Variants in SMPD3 observed in about 807,000 individuals in gnomAD.
The protein encoded by SMPD3 is nSMase-2.
In SMPD3, 21 loss-of-function variants were observed where a neutral mutation model predicts 55.7. The ratio of observed to expected loss-of-function variants is 0.38; its 90% CI spans 0.27 to 0.54. SMPD3 has a LOEUF of 0.54. Ranked by LOEUF, SMPD3 falls within the 20% of genes least tolerant of loss-of-function variation. SMPD3 has a pLI of 0.80. For synonymous variants in SMPD3, 457 were observed against 404.3 expected (o/e 1.13, Z -1.56); for missense variants, 842 against 899.6 (o/e 0.94, Z 0.82).
chr16:68,361,227 A>G lies in SMPD3; in HGVS notation c.1947T>C (p.Ser649=). The stretch of plus-strand genomic sequence containing the variant: ...CGGTCTATGCCTCCTCCTCCCCCGA[A>G]GACACCATCAGTCGCATGGCTACTG... ...HLPVAMRLMV[S]SGEEEA Residue 649 remains serine, a synonymous_variant, in exon 9 of 9, where the codon TCT becomes TCC. Transcript: ENST00000219334. 1 of 1,613,904 alleles carries G rather than the reference A, an allele frequency of 6.2e-7. No individual in the cohort carries two copies. The highest frequency in any genetic ancestry group is 1.7e-5 in the Admixed American group (1 of 59,998).
chr16:68,424,228 A>T (rs1407648030), intron 1 of SMPD3, among the ~76,000 whole-genome samples: 3 of 151,676 alleles, frequency 2.0e-5, no homozygotes, highest in African/African-American at 7.3e-5. Context: ...ACTCCTGTGT[A>T]TACATGGCAG....
intron 1 of SMPD3, among the ~76,000 whole-genome samples, chr16:68,398,422 T>A (rs1597645255): frequency 1.3e-5 from 2 of 152,174 alleles, no homozygotes; most frequent in Admixed American, 1.3e-4. Flanking sequence ...TCCCTCACAC[T>A]ATTTTTACCT....
intron 1 of SMPD3, among the ~76,000 whole-genome samples, chr16:68,390,478 T>C (rs1004827666): frequency 6.6e-6 from 1 of 152,160 alleles, no homozygotes; most frequent in Non-Finnish European, 1.5e-5. Context: ...CTGGGTAACA[T>C]GGTGAAACCC....
Position 68,404,168 on chromosome 16 carries a change from C to T in SMPD3, c.-268-17509G>A, listed in dbSNP as rs2090234059. Among the ~76,000 whole-genome samples the T allele has an allele frequency of 6.6e-6, 1 of 151,722 alleles. No individual in the cohort carries two copies. Among genetic ancestry groups the T allele is most frequent in the Admixed American group, 6.6e-5 (1 of 15,236 alleles). On this transcript the variant is annotated intron_variant, in intron 1 of 8. Coordinates refer to ENST00000219334, the MANE Select transcript of SMPD3 (RefSeq NM_018667.4). This position sits in a 1 kb window ranked among gnomAD's most constrained non-coding sequence, Gnocchi z 4.0. Reference sequence around the variant, plus strand: ...GTAGCTGGGACTACTCAGTGCACACCACCACGCCCAGCTAATTTTTTTTTT... The same window carrying T: ...GTAGCTGGGACTACTCAGTGCACACTACCACGCCCAGCTAATTTTTTTTTT...
intron 7 of SMPD3, among the ~76,000 whole-genome samples, chr16:68,362,129 C>G (rs144060299): frequency 1.3e-5 from 2 of 152,216 alleles, no homozygotes; most frequent in African/African-American, 4.8e-5. Flanking sequence ...CCATGAGTCT[C>G]GGGGACCCTT....
At chr16:68,407,826 C>A (rs1417002330) in intron 1 of SMPD3, among the ~76,000 whole-genome samples, 1 of 151,998 alleles carries the variant, frequency 6.6e-6, no homozygotes. Flanking sequence ...TATTGTAATA[C>A]GTGTTTGCCT....
chr16:68,389,277 G>A (rs1187153762), intron 1 of SMPD3, among the ~76,000 whole-genome samples: 2 of 152,174 alleles, frequency 1.3e-5, no homozygotes, highest in Admixed American at 6.5e-5. Flanking sequence ...TCCCAAGCAC[G>A]CTCCTGCCTG....
intron 3 of SMPD3, chr16:68,369,453 TA>T (rs1567781716): frequency 8.7e-6 from 1 of 114,652 alleles, no homozygotes. Context: ...TGGGCTGGGG[TA>T]GGGGGCGGGG....
At position 68,361,625 on chromosome 16, in the gene SMPD3, CCCT is replaced by C. The variant is rs1251528347; in HGVS notation, c.1841_1843del (p.Glu614del). 2.5e-6 allele frequency: 4 copies of C among 1,609,762 alleles called. No individual in the cohort carries two copies. Among genetic ancestry groups the C allele is most frequent in the African/African-American group, 2.7e-5 (2 of 74,912 alleles). On this transcript the variant is annotated inframe_deletion, in exon 8 of 9. Transcript: ENST00000219334. ...CACGGCCTTCCAGTCTGGGCACAGC[CCCT>C]CCTCTGCATGCAGCATGTAGTCGAT...
chr16:68,373,832 C>A (rs2089737693), intron 2 of SMPD3, among the ~76,000 whole-genome samples: 1 of 152,210 alleles, frequency 6.6e-6, no homozygotes, highest in Admixed American at 6.5e-5. Flanking sequence ...CTGCGGGTCT[C>A]TGCAGCCCCC....
chr16:68,409,070 C>T (rs550049257), intron 1 of SMPD3, among the ~76,000 whole-genome samples: 19 of 152,288 alleles, frequency 1.2e-4, no homozygotes, highest in Non-Finnish European at 2.6e-4. Flanking sequence ...AGAGGACCCT[C>T]GCTGACAATG....
At chr16:68,435,136 C>CA (rs1555597596) in intron 1 of SMPD3, among the ~76,000 whole-genome samples, 1 of 151,886 alleles carries the variant, frequency 6.6e-6, no homozygotes, top group Non-Finnish European at 1.5e-5. Context: ...AAAGACAGCC[C>CA]AGCAGATCTG....
At chr16:68,374,216 G>T (rs1110570) in intron 2 of SMPD3, among the ~76,000 whole-genome samples, 5 of 152,152 alleles carry the variant, frequency 3.3e-5, no homozygotes, top group Admixed American at 3.3e-4. Context: ...GGGGGCAGCT[G>T]TTTTCCCACC....
At chr16:68,375,083 G>A (rs2089777001) in intron 2 of SMPD3, among the ~76,000 whole-genome samples, 1 of 152,192 alleles carries the variant, frequency 6.6e-6, no homozygotes, top group African/African-American at 2.4e-5. Context: ...AGCCTGGCCA[G>A]CACCATCCTC....
In SMPD3 at chr16:68,371,527, G is replaced by A; in HGVS notation, c.655C>T (p.His219Tyr). 1.2e-6 allele frequency: 2 copies of A among 1,600,550 alleles called. No individual in the cohort carries two copies. The highest frequency in any genetic ancestry group is 1.7e-6 in the Non-Finnish European group (2 of 1,179,326). ...SVEYKGDGGR[H>Y]PGDEAANGPA... ...CCGTTGGCAGCCTCGTCACCGGGGT[G>A]CCGCCCACCGTCACCCTTGTACTCC... Residue 219 changes from histidine to tyrosine, a missense_variant, in exon 3 of 9, where the codon CAC becomes TAC. This residue lies in a region of SMPD3 where 649 missense variants were observed against 643.6 expected (regional missense o/e 1.01). Coordinates refer to ENST00000219334, the MANE Select transcript of SMPD3 (RefSeq NM_018667.4).
chr16:68,373,645 C>T (rs2089733649), intron 2 of SMPD3, among the ~76,000 whole-genome samples: 1 of 152,208 alleles, frequency 6.6e-6, no homozygotes, highest in South Asian at 2.1e-4. Flanking sequence ...CCATCAGTCC[C>T]TGCCACTCCT....
chr16:68,414,328 G>A (rs1256103367), intron 1 of SMPD3, among the ~76,000 whole-genome samples: 1 of 152,234 alleles, frequency 6.6e-6, no homozygotes, highest in African/African-American at 2.4e-5. Context: ...GAACTTGGAG[G>A]AAATCTGTGA....
chr16:68,381,273 C>T (rs1036595289), intron 2 of SMPD3, among the ~76,000 whole-genome samples: 6 of 152,286 alleles, frequency 3.9e-5, no homozygotes, highest in Non-Finnish European at 8.8e-5. Context: ...CCTCTGCACA[C>T]GGCACCATGA....
intron 1 of SMPD3, among the ~76,000 whole-genome samples, chr16:68,389,279 T>G (rs1027710289): frequency 5.3e-5 from 8 of 152,188 alleles, no homozygotes; most frequent in African/African-American, 1.9e-4. Context: ...CCAAGCACGC[T>G]CCTGCCTGCC....
Sources: allele counts gnomAD v4.1 joint callset (sites outside exome capture counted in the v4.1 genomes callset), GRCh38; gene constraint gnomAD v4.1.1; regional missense constraint gnomAD v4.1.1; non-coding constraint Gnocchi (gnomAD v3.1); transcripts MANE v1.5; gene names NCBI Gene and HGNC (gene_info 2026-07-23, HGNC 2026-07-21).